Variants in METTL15 observed in about 807,000 individuals in gnomAD.
METTL15 encodes methyltransferase 15, mitochondrial 12S rRNA N4-cytidine.
In METTL15, 34 loss-of-function variants were observed where a neutral mutation model predicts 38.3. The ratio of observed to expected loss-of-function variants is 0.89; its 90% confidence interval spans 0.68 to 1.18. The LOEUF (loss-of-function observed/expected upper bound fraction) is 1.18, where lower values mean the gene tolerates loss of function less well. Ranked by LOEUF, METTL15 falls within the 50% of genes most tolerant of loss-of-function variation. METTL15 has a pLI of 0.00. For missense variants in METTL15, 438 were observed against 498.4 expected (o/e 0.88, Z 1.15); for synonymous variants, 162 against 170.9 (o/e 0.95, Z 0.41).
chr11:28,452,092 A>G (rs2133448572), intron 6 of METTL15, among the ~76,000 whole-genome samples: 1 of 152,348 alleles, frequency 6.6e-6, no homozygotes, highest in East Asian at 1.9e-4. Flanking sequence ...TGGTAGACAT[A>G]TTCCACCTTT....
intron 4 of METTL15, among the ~76,000 whole-genome samples, chr11:28,276,128 C>G (rs1303458092): frequency 6.6e-6 from 1 of 151,832 alleles, no homozygotes; most frequent in East Asian, 1.9e-4. Flanking sequence ...AATAAGTCAT[C>G]CAAATGGGAA....
At chr11:28,418,300 G>A (rs529632130) in intron 5 of METTL15, among the ~76,000 whole-genome samples, 111 of 152,272 alleles carry the variant, frequency 7.3e-4, no homozygotes, top group Non-Finnish European at 1.5e-3. Context: ...TTGTGAGAAA[G>A]GTCCACGAGC....
intron 3 of METTL15, chr11:28,134,489 C>T: frequency 2.5e-6 from 1 of 398,300 alleles, no homozygotes; most frequent in Admixed American, 4.4e-5. Context: ...TCCAGGGATC[C>T]TTCTGGTACT....
At chr11:28,171,522 G>T (rs953934308) in intron 3 of METTL15, among the ~76,000 whole-genome samples, 2 of 152,032 alleles carry the variant, frequency 1.3e-5, no homozygotes, top group African/African-American at 4.8e-5. Flanking sequence ...AGGTAATTCT[G>T]ACTTTATTTT....
At chr11:28,148,117 C>A (rs1224958328) in intron 3 of METTL15, among the ~76,000 whole-genome samples, 1 of 151,866 alleles carries the variant, frequency 6.6e-6, no homozygotes, top group Non-Finnish European at 1.5e-5. Flanking sequence ...TCAACTTTTA[C>A]TTCTTGAGTC....
intron 5 of METTL15, among the ~76,000 whole-genome samples, chr11:28,372,681 C>G (rs1217497903): frequency 6.6e-6 from 1 of 150,884 alleles, no homozygotes; most frequent in Non-Finnish European, 1.5e-5. Context: ...AGGTTAGTTA[C>G]ATATGTATAC....
chr11:28,457,605 G>T (rs1851179900), intron 6 of METTL15, among the ~76,000 whole-genome samples: 2 of 152,098 alleles, frequency 1.3e-5, no homozygotes, highest in Admixed American at 6.6e-5. Flanking sequence ...GCACATAAGG[G>T]CTCTGATTCC....
At chr11:28,214,478 G>T (rs1852780135) in intron 4 of METTL15, among the ~76,000 whole-genome samples, 1 of 152,170 alleles carries the variant, frequency 6.6e-6, no homozygotes, top group South Asian at 2.1e-4. Context: ...GTGGCCTAAT[G>T]AAGTTTATTT....
chr11:28,222,444 C>T (rs369782668), intron 4 of METTL15, among the ~76,000 whole-genome samples: 1 of 152,180 alleles, frequency 6.6e-6, no homozygotes, highest in South Asian at 2.1e-4. Context: ...TTCCAGGTGC[C>T]GTCTGTCACC....
chr11:28,349,594 TGTGA>T (rs1468293231), intron 3 of METTL15, among the ~76,000 whole-genome samples: 1 of 152,252 alleles, frequency 6.6e-6, no homozygotes, highest in African/African-American at 2.4e-5. Context: ...TTGCTTTAAT[TGTGA>T]GTATGTTTAG....
At chr11:28,328,128 C>T in intron 6 of METTL15, 2 of 1,611,552 alleles carry the variant, frequency 1.2e-6, no homozygotes, top group Middle Eastern at 1.7e-4. Flanking sequence ...GTGGCCCAAA[C>T]TCTTTATTAG....
intron 6 of METTL15, among the ~76,000 whole-genome samples, chr11:28,472,144 A>G (rs946214584): frequency 6.6e-6 from 1 of 152,166 alleles, no homozygotes; most frequent in African/African-American, 2.4e-5. Flanking sequence ...AATAAAAGAA[A>G]TAGTCCCCTT....
intron 5 of METTL15, among the ~76,000 whole-genome samples, chr11:28,377,952 C>G (rs1424904336): frequency 6.6e-6 from 1 of 152,106 alleles, no homozygotes; most frequent in Admixed American, 6.6e-5. Context: ...GAGGGTGCCT[C>G]CCAGTTAGGC....
rs1856750923 is a variant in METTL15, at chr11:28,296,760, G to A, written c.607G>A (p.Asp203Asn). ...DMRMDGGRYP[D>N]MPTAADVVNA... is the part of the protein sequence containing the mutation. ...GGCTCTTCTTGTGCGTAGGTACCCT[G>A]ACATGCCCACTGCTGCTGATGTTGT... The change falls in exon 6 of 7, where the codon GAC becomes AAC. Residue 203 changes from aspartate to asparagine, a missense_variant. Physicochemically the swap from Asp to Asn is conservative, Grantham distance 23 (BLOSUM62 1). Transcript: ENST00000407364. 4 of 1,613,092 alleles carry A rather than the reference G, an allele frequency of 2.5e-6. No homozygotes were observed. The highest frequency in any genetic ancestry group is 2.5e-6 in the Non-Finnish European group (3 of 1,179,540).
intron 3 of METTL15, among the ~76,000 whole-genome samples, chr11:28,121,574 TTATTAATATTA>T (rs1852234917): frequency 6.6e-6 from 1 of 152,150 alleles, no homozygotes; most frequent in Non-Finnish European, 1.5e-5. Context: ...TGACAACATG[TTATTAATATTA>T]TAGTACACAT....
chr11:28,316,215 A>G (rs1384098655), intron 6 of METTL15, among the ~76,000 whole-genome samples: 1 of 152,192 alleles, frequency 6.6e-6, no homozygotes, highest in Non-Finnish European at 1.5e-5. Context: ...AAGCCACAGG[A>G]GTGGAGCTGC....
chr11:28,230,307 A>C (rs1006597503), intron 4 of METTL15, among the ~76,000 whole-genome samples: 1 of 151,958 alleles, frequency 6.6e-6, no homozygotes, highest in African/African-American at 2.4e-5. Context: ...TATTCTTAGA[A>C]TATTTGGCTT....
intron 3 of METTL15, among the ~76,000 whole-genome samples, chr11:28,153,099 G>A (rs1565127721): frequency 1.3e-5 from 2 of 152,076 alleles, no homozygotes; most frequent in Non-Finnish European, 1.5e-5. Context: ...GGTTTTGGTG[G>A]GTTTGGGCCA....
At chr11:28,347,994 G>A (rs1850010016) in intron 3 of METTL15, among the ~76,000 whole-genome samples, 1 of 152,180 alleles carries the variant, frequency 6.6e-6, no homozygotes, top group Admixed American at 6.5e-5. Flanking sequence ...AGGTTATGAA[G>A]TTTTGGTCTG....
Sources: allele counts gnomAD v4.1 joint callset (sites outside exome capture counted in the v4.1 genomes callset), GRCh38; gene constraint gnomAD v4.1.1; transcripts MANE v1.5; gene names NCBI Gene and HGNC (gene_info 2026-07-23, HGNC 2026-07-21).